SKAP2: variants seen among roughly 807,000 people sequenced by gnomAD.
SKAP2 encodes src kinase-associated phosphoprotein 2.
Under a neutral mutation model 54.9 loss-of-function variants are expected in SKAP2, and 28 were observed. The observed-to-expected ratio is 0.51, with a 90% CI of 0.38 to 0.70. SKAP2 has a LOEUF of 0.70. SKAP2 is among the 30% of genes least tolerant of loss of function. The probability of loss-of-function intolerance (pLI) is 0.00; values close to 1 mark genes in which losing one functional copy is unlikely to be tolerated. For synonymous variants in SKAP2, 137 were observed against 134.3 expected (o/e 1.02, Z -0.14); for missense variants, 356 against 424.1 (o/e 0.84, Z 1.41).
At chr7:26,773,762 C>T (rs1010790712) in intron 4 of SKAP2, among the ~76,000 whole-genome samples, 1 of 152,190 alleles carries the variant, frequency 6.6e-6, no homozygotes, top group Non-Finnish European at 1.5e-5. Flanking sequence ...AGTTATCTCA[C>T]ATCTCAGTTT....
intron 9 of SKAP2, among the ~76,000 whole-genome samples, chr7:26,717,041 A>G (rs1408702917): frequency 6.6e-6 from 1 of 152,196 alleles, no homozygotes; most frequent in South Asian, 2.1e-4. Context: ...TGAAGCACAT[A>G]TAACGGGCAG....
At chr7:26,851,525 T>C (rs552975316) in intron 3 of SKAP2, among the ~76,000 whole-genome samples, 1 of 151,750 alleles carries the variant, frequency 6.6e-6, no homozygotes, top group Non-Finnish European at 1.5e-5. Flanking sequence ...ATGAGAACAC[T>C]TGGATACAGG....
In SKAP2 at chr7:26,705,748, T is replaced by A. The variant is rs185663418; in HGVS notation, c.797-15386A>T. ...AGGAAAAGTCTGGCTCCCAGATGCT[T>A]CTTGCCAACCCACAGTGGATTCAAC... On this transcript the variant is annotated intron_variant, in intron 9 of 12. Transcript: ENST00000345317. 2.0e-5 allele frequency among the ~76,000 whole-genome samples: 3 copies of A among 152,188 alleles called. No homozygotes were observed. The East Asian group carries it at 5.8e-4, about 29-fold the overall frequency.
chr7:26,694,342 C>A (rs976813462), intron 9 of SKAP2, among the ~76,000 whole-genome samples: 9 of 152,094 alleles, frequency 5.9e-5, no homozygotes, highest in Non-Finnish European at 1.2e-4. Context: ...TATTGCAAAC[C>A]TGGAAGCTTC....
At chr7:26,680,530 A>G (rs1237696858) in intron 11 of SKAP2, among the ~76,000 whole-genome samples, 2 of 152,242 alleles carry the variant, frequency 1.3e-5, no homozygotes, top group Non-Finnish European at 2.9e-5. Context: ...TTGTTAATTC[A>G]CTAACAATAC....
chr7:26,670,293 A>G, intron 11 of SKAP2, 101 bp from the exon 12 acceptor site: 2 of 642,470 alleles, frequency 3.1e-6, no homozygotes, highest in Non-Finnish European at 5.7e-6. Flanking sequence ...TATAAAGTTA[A>G]AAGAGCTTGA....
At position 26,838,976 on chromosome 7, in the gene SKAP2, A is replaced by G. The variant is rs138321279; in HGVS notation, c.307+5054T>C. Among the ~76,000 whole-genome samples the G allele has an allele frequency of 3.6e-3, 549 of 152,154 alleles. 1 individual carries two copies. Among genetic ancestry groups the G allele is most frequent in the African/African-American group, 0.012 (515 of 41,528 alleles). ...GTCCAAGTATCTTGTTCTCCTCTTC[A>G]TGTACTGTGTAAATAACTGCTAATT... is the stretch of plus-strand genomic sequence containing the variant. On this transcript the variant is annotated intron_variant, in intron 4 of 12. Coordinates refer to ENST00000345317, the MANE Select transcript of SKAP2 (RefSeq NM_003930.5).
chr7:26,737,476 A>T (rs1787968378), intron 6 of SKAP2, among the ~76,000 whole-genome samples: 1 of 152,200 alleles, frequency 6.6e-6, no homozygotes, highest in Non-Finnish European at 1.5e-5. Flanking sequence ...AACTTCCAGC[A>T]TTATGTAAGT....
In SKAP2 at chr7:26,693,148, A is replaced by G. The variant is rs1287189042; in HGVS notation, c.797-2786T>C. Among the ~76,000 whole-genome samples, 3 of 152,158 alleles carry G rather than the reference A, an allele frequency of 2.0e-5. No individual in the cohort carries two copies. The East Asian group carries it at 5.8e-4, about 29-fold the overall frequency. ...GGAGTTCGAGACAAGCCTGGCCAACATGGCAAAACCACGTCTCTACTAAAA... is the reference window on the plus strand; with the variant it reads ...GGAGTTCGAGACAAGCCTGGCCAACGTGGCAAAACCACGTCTCTACTAAAA... On this transcript the variant is annotated intron_variant, in intron 9 of 12. Transcript: ENST00000345317.
chr7:26,749,865 A>G (rs1782644147), intron 4 of SKAP2, among the ~76,000 whole-genome samples: 1 of 151,910 alleles, frequency 6.6e-6, no homozygotes, highest in African/African-American at 2.4e-5. Flanking sequence ...CTATAAGCTT[A>G]AATATGTTTT....
At position 26,844,093 on chromosome 7, in the gene SKAP2, G is replaced by A; in HGVS notation, c.244C>T (p.Pro82Ser). ...GEEYDDPFAG[P>S]PDTISLASER... ...GAGGCTAATGAAATAGTGTCTGGAG[G>A]CCCAGCAAAAGGGTCATCATATTCT... The change falls in exon 4 of 13, where the codon CCT becomes TCT. Residue 82 changes from proline to serine, a missense_variant. Coordinates refer to ENST00000345317, the MANE Select transcript of SKAP2 (RefSeq NM_003930.5). The A allele has an allele frequency of 6.2e-7, 1 of 1,611,714 alleles. No individual in the cohort carries two copies. Among genetic ancestry groups the A allele is most frequent in the Non-Finnish European group, 8.5e-7 (1 of 1,178,818 alleles).
intron 4 of SKAP2, among the ~76,000 whole-genome samples, chr7:26,799,860 T>C (rs572761872): frequency 6.6e-6 from 1 of 152,200 alleles, no homozygotes; most frequent in South Asian, 2.1e-4. Flanking sequence ...GGCTCACGCC[T>C]GTAATCCCAG....
At chr7:26,736,513 G>T (rs964672862) in intron 6 of SKAP2, among the ~76,000 whole-genome samples, 1 of 152,222 alleles carries the variant, frequency 6.6e-6, no homozygotes, top group Non-Finnish European at 1.5e-5. Flanking sequence ...TGCCTGTTTA[G>T]CATATAATCA....
chr7:26,795,800 A>C (rs369186542), intron 4 of SKAP2, among the ~76,000 whole-genome samples: 114 of 152,330 alleles, frequency 7.5e-4, no homozygotes, highest in Admixed American at 2.1e-3. Context: ...GGTGATTCAT[A>C]CTTAATACAT....
chr7:26,719,872 T>G (rs755468565), intron 9 of SKAP2, among the ~76,000 whole-genome samples: 6 of 152,182 alleles, frequency 3.9e-5, no homozygotes, highest in Non-Finnish European at 2.9e-5. Flanking sequence ...CTTTATTAAT[T>G]CAAGTGATAA....
rs114235235 is a variant in SKAP2 at position 26,829,890 on chromosome 7, C to T, written c.307+14140G>A. On this transcript the variant is annotated intron_variant, in intron 4 of 12. Coordinates refer to ENST00000345317, the MANE Select transcript of SKAP2 (RefSeq NM_003930.5). The stretch of plus-strand genomic sequence containing the variant: ...AATATACCATATGATACAGTAATTT[C>T]GTTCCTAGGTATATACTCAAGAAAA... 7.8e-3 allele frequency among the ~76,000 whole-genome samples: 1,187 copies of T among 152,198 alleles called. 10 individuals carry two copies. Among genetic ancestry groups the T allele is most frequent in the Middle Eastern group, 0.038 (11 of 292 alleles).
intron 4 of SKAP2, among the ~76,000 whole-genome samples, chr7:26,830,974 A>G (rs958585390): frequency 6.6e-6 from 1 of 152,076 alleles, no homozygotes; most frequent in African/African-American, 2.4e-5. Flanking sequence ...TATTGTCTTT[A>G]GCATTATACC....
chr7:26,740,019 A>G, intron 4 of SKAP2, 55 bp from the exon 5 acceptor site: 2 of 1,097,458 alleles, frequency 1.8e-6, no homozygotes, highest in Admixed American at 4.4e-5. Context: ...ATTTCAGAAT[A>G]AACAAGTGCC....
At chr7:26,784,452 A>T (rs1783495276) in intron 4 of SKAP2, among the ~76,000 whole-genome samples, 1 of 152,234 alleles carries the variant, frequency 6.6e-6, no homozygotes, top group Non-Finnish European at 1.5e-5. Flanking sequence ...TGTGAAAGCC[A>T]GCGATAAAAT....
Sources: allele counts gnomAD v4.1 joint callset (sites outside exome capture counted in the v4.1 genomes callset), GRCh38; gene constraint gnomAD v4.1.1; transcripts MANE v1.5; gene names NCBI Gene and HGNC (gene_info 2026-07-23, HGNC 2026-07-21).